MACROD2: variants seen among roughly 807,000 people sequenced by gnomAD.
MACROD2 encodes the protein ADP-ribose glycohydrolase MACROD2.
Under a neutral mutation model 70.4 loss-of-function variants are expected in MACROD2, and 36 were observed. That is an observed-to-expected ratio of 0.51 (90% confidence interval 0.39 to 0.68). The LOEUF (loss-of-function observed/expected upper bound fraction) is 0.68, where lower values mean the gene tolerates loss of function less well. MACROD2 is among the 30% of genes least tolerant of loss of function. The pLI is 0.00. For missense variants in MACROD2, 496 were observed against 538.4 expected, an observed-to-expected ratio of 0.92 and a Z score of 0.78; for synonymous variants, 172 against 178.8, an observed-to-expected ratio of 0.96 and a Z score of 0.30.
intron 8 of MACROD2, among the ~76,000 whole-genome samples, chr20:15,750,933 T>A (rs1486330549): frequency 1.3e-5 from 2 of 151,844 alleles, no homozygotes; most frequent in Non-Finnish European, 2.9e-5. Flanking sequence ...GTTTGTTTGT[T>A]TTTTGTTTGT....
intron 5 of MACROD2, among the ~76,000 whole-genome samples, chr20:15,081,763 A>G (rs997664920): frequency 6.6e-6 from 1 of 152,192 alleles, no homozygotes; most frequent in Non-Finnish European, 1.5e-5. Flanking sequence ...AAAATGGCAC[A>G]TTCCAAAACT....
intron 4 of MACROD2, among the ~76,000 whole-genome samples, chr20:14,576,138 C>G (rs963426027): frequency 1.3e-5 from 2 of 152,126 alleles, no homozygotes; most frequent in African/African-American, 4.8e-5. Flanking sequence ...GATTCCCCAG[C>G]CCCACGACTG....
At chr20:14,499,492 C>T (rs2084892766) in intron 4 of MACROD2, among the ~76,000 whole-genome samples, 1 of 152,040 alleles carries the variant, frequency 6.6e-6, no homozygotes, top group Non-Finnish European at 1.5e-5. Flanking sequence ...GTGATCACAC[C>T]ACTGCACTCC....
chr20:14,092,307 T>C (rs2054161021), intron 3 of MACROD2, among the ~76,000 whole-genome samples: 1 of 152,206 alleles, frequency 6.6e-6, no homozygotes, highest in Admixed American at 6.5e-5. Flanking sequence ...GTATGTCTTT[T>C]TGGTGAAATA....
intron 5 of MACROD2, among the ~76,000 whole-genome samples, chr20:14,974,990 T>C (rs2074725476): frequency 6.6e-6 from 1 of 152,150 alleles, no homozygotes; most frequent in Non-Finnish European, 1.5e-5. Context: ...CTTGGCACTA[T>C]TGACATTGTG....
At chr20:16,031,685 A>G (rs1034021794) in intron 15 of MACROD2, among the ~76,000 whole-genome samples, 3 of 152,194 alleles carry the variant, frequency 2.0e-5, no homozygotes, top group Non-Finnish European at 4.4e-5. Context: ...AAATGCATAT[A>G]TTGAATAGGC....
intron 3 of MACROD2, 62 bp from the exon 4 acceptor site, chr20:14,493,416 CT>C: frequency 1.5e-6 from 2 of 1,358,116 alleles, no homozygotes; most frequent in East Asian, 4.7e-5. Flanking sequence ...TTGAATTACT[CT>C]GATATACTAT....
At chr20:14,540,739 C>A (rs1167097936) in intron 4 of MACROD2, among the ~76,000 whole-genome samples, 1 of 152,192 alleles carries the variant, frequency 6.6e-6, no homozygotes, top group Non-Finnish European at 1.5e-5. Context: ...AATCCTATAT[C>A]AAGGTACATT....
intron 3 of MACROD2, among the ~76,000 whole-genome samples, chr20:14,454,457 C>T (rs1174537364): frequency 1.3e-5 from 2 of 150,106 alleles, no homozygotes; most frequent in African/African-American, 4.9e-5. Flanking sequence ...GGAAAGTATT[C>T]AGCTCTAAGT....
rs115450021 is a variant in MACROD2, at chr20:15,706,475, A to G, written c.646-156270A>G. The stretch of plus-strand genomic sequence containing the variant: ...ACACTCTCAAAAATTCCATGACTCT[A>G]TAGGAGAATTTTCAAGTGAACAGGC... On this transcript the variant is annotated intron_variant, in intron 8 of 17. Transcript: ENST00000684519. Among the ~76,000 whole-genome samples, 1,169 of 152,300 alleles carry G rather than the reference A, an allele frequency of 7.7e-3. 10 individuals carry two copies. Among genetic ancestry groups the G allele is most frequent in the African/African-American group, 0.027 (1,122 of 41,562 alleles).
At chr20:14,811,664 G>A (rs1347134809) in intron 5 of MACROD2, among the ~76,000 whole-genome samples, 1 of 151,648 alleles carries the variant, frequency 6.6e-6, no homozygotes, top group Non-Finnish European at 1.5e-5. Flanking sequence ...TAGGAGAAAA[G>A]TTTTGCAATC....
At chr20:14,333,249 G>T (rs2122622182) in intron 3 of MACROD2, among the ~76,000 whole-genome samples, 1 of 152,198 alleles carries the variant, frequency 6.6e-6, no homozygotes, top group South Asian at 2.1e-4. Context: ...AATTTCCAAT[G>T]CTAAGTATTT....
intron 8 of MACROD2, among the ~76,000 whole-genome samples, chr20:15,722,345 A>G (rs2050798551): frequency 1.3e-5 from 2 of 152,176 alleles, no homozygotes; most frequent in Non-Finnish European, 2.9e-5. Flanking sequence ...ATTGACACTT[A>G]GAAATAGCAG....
intron 2 of MACROD2, among the ~76,000 whole-genome samples, chr20:14,024,392 G>A (rs1400213854): frequency 1.3e-5 from 2 of 152,128 alleles, no homozygotes; most frequent in East Asian, 3.9e-4. Context: ...TCTTTCTTTT[G>A]CGTGATTGCC....
At chr20:14,813,886 A>T (rs929880229) in intron 5 of MACROD2, among the ~76,000 whole-genome samples, 4 of 151,904 alleles carry the variant, frequency 2.6e-5, no homozygotes, top group Non-Finnish European at 4.4e-5. Flanking sequence ...CAACCCTCTG[A>T]TCATGTCTTG....
chr20:15,656,215 G>C (rs924597038), intron 8 of MACROD2, among the ~76,000 whole-genome samples: 1 of 152,198 alleles, frequency 6.6e-6, no homozygotes, highest in Admixed American at 6.5e-5. Context: ...TGACTCAGTA[G>C]CCTGTCAGAG....
At chr20:15,822,464 T>C (rs531756108) in intron 8 of MACROD2, among the ~76,000 whole-genome samples, 21 of 152,308 alleles carry the variant, frequency 1.4e-4, no homozygotes, top group African/African-American at 4.8e-4. Context: ...ATAACTTAAT[T>C]ACATTTATTA....
intron 12 of MACROD2, among the ~76,000 whole-genome samples, chr20:15,947,908 G>A (rs1237795333): frequency 1.3e-5 from 2 of 152,112 alleles, no homozygotes; most frequent in African/African-American, 2.4e-5. Context: ...CATAGAAAAT[G>A]GGCCACTTTT....
At chr20:15,459,514 C>T (rs180873999) in intron 7 of MACROD2, among the ~76,000 whole-genome samples, 96 of 152,242 alleles carry the variant, frequency 6.3e-4, no homozygotes, top group African/African-American at 2.3e-3. Context: ...TAAATGCTCT[C>T]CATCCTGATC....
Sources: allele counts gnomAD v4.1 joint callset (sites outside exome capture counted in the v4.1 genomes callset), GRCh38; gene constraint gnomAD v4.1.1; transcripts MANE v1.5; gene names NCBI Gene and HGNC (gene_info 2026-07-23, HGNC 2026-07-21).